Variants in ACACB observed in about 807,000 individuals in gnomAD.
The protein encoded by ACACB is acetyl-CoA carboxylase beta, also known as acetyl-CoA carboxylase 2.
ACACB carries 209 observed loss-of-function variants against 278.8 expected under a neutral mutation model. The ratio of observed to expected loss-of-function variants is 0.75; its 90% CI spans 0.67 to 0.84. ACACB has a LOEUF of 0.84. Among genes scored for constraint, ACACB ranks in the 40% least tolerant of loss-of-function variants. The probability of loss-of-function intolerance (pLI) is 0.00; values close to 1 mark genes in which losing one functional copy is unlikely to be tolerated. For missense variants in ACACB, 2,850 were observed against 3,269.0 expected (o/e 0.87, Z 3.13); for synonymous variants, 1,174 against 1,285.6 (o/e 0.91, Z 1.86).
intron 1 of ACACB, among the ~76,000 whole-genome samples, chr12:109,135,577 C>T (rs1014203544): frequency 7.2e-5 from 11 of 151,834 alleles, no homozygotes; most frequent in Non-Finnish European, 1.5e-4. Flanking sequence ...CATCAAGAAG[C>T]ATCCAATGCT....
At chr12:109,235,752 C>A (rs1486573021) in intron 33 of ACACB, 105 bp downstream of exon 33, 2 of 1,021,826 alleles carry the variant, frequency 2.0e-6, no homozygotes, top group African/African-American at 1.6e-5. Context: ...AATCCTAGCA[C>A]TTTGGGAGGC....
intron 3 of ACACB, chr12:109,167,336 A>C: frequency 5.2e-6 from 1 of 192,120 alleles, no homozygotes. Flanking sequence ...TAATCCCAGC[A>C]CTTTGGGAGG....
rs367614215 is a variant in ACACB at position 109,179,506 on chromosome 12, A to T, written c.1647+209A>T. 1.2e-4 allele frequency: 76 copies of T among 624,832 alleles called. No individual in the cohort carries two copies. The South Asian group carries it at 1.4e-3, about 12-fold the overall frequency. 38.7% of individuals were successfully genotyped at this position (624,832 alleles called of 1,614,324 possible). ...CCCCAAATATTTCTTTTCTTTTTTG[A>T]GACAGAGTCTCACTGTGTTGCCCAC... On this transcript the variant is annotated intron_variant, in intron 10 of 52. Transcript: ENST00000338432.
At chr12:109,171,776 C>G (rs2044124484) in intron 4 of ACACB, 29 bp from the exon 5 acceptor site, 15 of 1,551,990 alleles carry the variant, frequency 9.7e-6, no homozygotes, top group African/African-American at 1.4e-5. Context: ...GTCAGCAGTT[C>G]CTTCCTTCTC....
chr12:109,135,311 T>C (rs2042938645), intron 1 of ACACB, among the ~76,000 whole-genome samples: 1 of 152,140 alleles, frequency 6.6e-6, no homozygotes, highest in Admixed American at 6.5e-5. Flanking sequence ...TATTGACCAT[T>C]TGTATATCTT....
At chr12:109,245,849 G>A in intron 38 of ACACB, 101 bp downstream of exon 38, 1 of 1,458,230 alleles carries the variant, frequency 6.9e-7, no homozygotes, top group South Asian at 1.4e-5. Context: ...AGTGCTTTGG[G>A]AGGCCAAGGT....
Position 109,188,170 on chromosome 12 carries a change from T to A in ACACB, c.2144+8T>A. ...CCGGGAAGAGGCCATTTCGTCAGTATCTCCTTCCTTCCTTCCTTCCTTCCT... is the reference window on the plus strand; with the variant it reads ...CCGGGAAGAGGCCATTTCGTCAGTAACTCCTTCCTTCCTTCCTTCCTTCCT... On this transcript the variant is annotated splice_region_variant and intron_variant, in intron 13 of 52. Transcript: ENST00000338432. 1.3e-6 allele frequency: 2 copies of A among 1,559,342 alleles called. No homozygotes were observed. Among genetic ancestry groups the A allele is most frequent in the South Asian group, 1.1e-5 (1 of 88,064 alleles).
Position 109,191,871 on chromosome 12 carries a change from G to A in ACACB, c.2320G>A (p.Gly774Arg), listed in dbSNP as rs199632157. 1.4e-5 allele frequency: 22 copies of A among 1,614,198 alleles called. No homozygotes were observed. Among genetic ancestry groups the A allele is most frequent in the Non-Finnish European group, 1.7e-5 (20 of 1,180,044 alleles). Residue 774 changes from glycine to arginine, a missense_variant, in exon 15 of 53, where the codon GGG becomes AGG. By Grantham distance (125) the Gly-to-Arg change is moderately radical. Coordinates refer to ENST00000338432, the MANE Select transcript of ACACB (RefSeq NM_001093.4). ...VQAEKPDIMLGVVCGALNVAD... is the reference protein window; with the variant it reads ...VQAEKPDIMLRVVCGALNVAD... ...GGCGGAGAAACCGGATATCATGCTT[G>A]GGGTGGTATGCGGGGCCTTGAACGT...
intron 9 of ACACB, among the ~76,000 whole-genome samples, chr12:109,178,743 G>A (rs1341910856): frequency 6.6e-6 from 1 of 152,202 alleles, no homozygotes; most frequent in Non-Finnish European, 1.5e-5. Flanking sequence ...TCTGCAAAGA[G>A]GCAAGGGCTG....
intron 44 of ACACB, among the ~76,000 whole-genome samples, chr12:109,255,887 T>C (rs1415408283): frequency 6.6e-6 from 1 of 152,210 alleles, no homozygotes; most frequent in Admixed American, 6.5e-5. Flanking sequence ...GTTGGCTGGC[T>C]GTTGATGGTA....
intron 11 of ACACB, among the ~76,000 whole-genome samples, chr12:109,181,656 CTTTT>C (rs1418886645): frequency 5.9e-5 from 9 of 152,024 alleles, no homozygotes; most frequent in Non-Finnish European, 1.3e-4. Flanking sequence ...GATTTCCTTT[CTTTT>C]GAGTATATAT....
At chr12:109,216,753 G>A in intron 23 of ACACB, 43 bp from the exon 24 acceptor site, 3 of 1,614,128 alleles carry the variant, frequency 1.9e-6, no homozygotes, top group Non-Finnish European at 2.5e-6. Flanking sequence ...GGGGGCGTGA[G>A]GAGCCTGAGC....
At chr12:109,154,978 ACAAACTTACG>A (rs1248424180) in intron 2 of ACACB, 4 of 152,692 alleles carry the variant, frequency 2.6e-5, no homozygotes, top group Non-Finnish European at 5.9e-5. Flanking sequence ...ATGATCTTTT[ACAAACTTACG>A]CAGTCTTCCT....
chr12:109,152,669 A>T (rs2043410991), intron 2 of ACACB, among the ~76,000 whole-genome samples: 4 of 62,228 alleles, frequency 6.4e-5, no homozygotes, highest in African/African-American at 6.2e-5. Context: ...TTTTTTTGAG[A>T]AAGGGTCTTG....
intron 2 of ACACB, among the ~76,000 whole-genome samples, chr12:109,146,598 C>T (rs2136056742): frequency 6.6e-6 from 1 of 152,296 alleles, no homozygotes; most frequent in South Asian, 2.1e-4. Context: ...CCACCAGGGC[C>T]AGCTTCACAG....
At chr12:109,163,646 C>CTTGTTG (rs749899213) in intron 2 of ACACB, among the ~76,000 whole-genome samples, 1 of 151,960 alleles carries the variant, frequency 6.6e-6, no homozygotes, top group African/African-American at 2.4e-5. Flanking sequence ...GTATTTGTTT[C>CTTGTTG]TTGTTGTTGT....
At chr12:109,167,654 T>TATA (rs71079531) in intron 3 of ACACB, among the ~76,000 whole-genome samples, 17 of 138,720 alleles carry the variant, frequency 1.2e-4, no homozygotes, top group African/African-American at 2.4e-4. Context: ...TATATATATA[T>TATA]TTCAGACAAA....
At chr12:109,215,814 A>G (rs1299027057) in intron 22 of ACACB, among the ~76,000 whole-genome samples, 2 of 152,034 alleles carry the variant, frequency 1.3e-5, no homozygotes, top group Non-Finnish European at 2.9e-5. Context: ...ATTTTTATTT[A>G]TTTATTTTGA....
At chr12:109,255,837 A>G (rs992498637) in intron 44 of ACACB, among the ~76,000 whole-genome samples, 4 of 152,216 alleles carry the variant, frequency 2.6e-5, no homozygotes, top group Non-Finnish European at 4.4e-5. Context: ...CATCTTAGGA[A>G]GAGAAGGCAG....
Sources: gnomAD v4.1 joint callset for allele counts (sites outside exome capture counted in the v4.1 genomes callset) on GRCh38, gnomAD v4.1.1 for gene constraint, MANE v1.5 for transcripts, NCBI Gene and HGNC (gene_info 2026-07-23, HGNC 2026-07-21) for gene names.